The following LRRC61 variants were observed in gnomAD, a reference collection of about 807,000 sequenced individuals.
LRRC61 encodes leucine-rich repeat-containing protein 61.
Under a neutral mutation model 15.1 loss-of-function variants are expected in LRRC61, and 9 were observed. The observed-to-expected ratio is 0.60, with a 90% CI of 0.36 to 1.04. LRRC61 has a LOEUF of 1.04. LRRC61 is among the 50% of genes least tolerant of loss of function. LRRC61 has a pLI of 0.01. For missense variants in LRRC61, 344 were observed against 335.6 expected (o/e 1.03, Z -0.20); for synonymous variants, 173 against 158.6 (o/e 1.09, Z -0.68).
the LRRC61 span, among the ~76,000 whole-genome samples, chr7:150,316,211 A>C: frequency 0.3 from 45,144 of 152,052 alleles, 6,930 homozygotes; most frequent in East Asian, 0.42. Flanking sequence ...AAACAAACAA[A>C]CAACAAAAAT....
the LRRC61 span, among the ~76,000 whole-genome samples, chr7:150,314,788 C>A: frequency 2.5e-4 from 35 of 139,178 alleles, no homozygotes; most frequent in African/African-American, 6.0e-4. Context: ...AAAAAAAAAA[C>A]AACAACAACA....
At chr7:150,309,532 A>T in the LRRC61 span, among the ~76,000 whole-genome samples, 1 of 152,310 alleles carries the variant, frequency 6.6e-6, no homozygotes, top group South Asian at 2.1e-4. Context: ...CTGTAAGACA[A>T]ACCCCAGCCA....
In LRRC61 at chr7:150,337,644, G is replaced by T; in HGVS notation, c.*3G>T. The T allele has an allele frequency of 1.3e-6, 2 of 1,520,868 alleles. No homozygotes were observed. 94.2% of individuals were successfully genotyped at this position (1,520,868 alleles called of 1,614,324 possible). ...CCACCTCTTCCTTCGTCTTCTGAACGTGGCCTATGGCCCAGGACAGCCTGG... is the reference window on the plus strand; with the variant it reads ...CCACCTCTTCCTTCGTCTTCTGAACTTGGCCTATGGCCCAGGACAGCCTGG... On this transcript the variant is annotated 3_prime_UTR_variant, in exon 3 of 3. Coordinates refer to ENST00000359623, the MANE Select transcript of LRRC61 (RefSeq NM_001142928.2).
intron 2 of LRRC61, among the ~76,000 whole-genome samples, chr7:150,326,769 A>G (rs1370983911): frequency 6.6e-6 from 1 of 151,836 alleles, no homozygotes; most frequent in Non-Finnish European, 1.5e-5. Context: ...CTGGGGTTGC[A>G]GTTTCCTCAA....
At chr7:150,311,681 A>G in the LRRC61 span, among the ~76,000 whole-genome samples, 1 of 152,130 alleles carries the variant, frequency 6.6e-6, no homozygotes, top group African/African-American at 2.4e-5. Context: ...TTCCAATCCC[A>G]AACCCAGACC....
intron 2 of LRRC61, among the ~76,000 whole-genome samples, chr7:150,334,853 T>C (rs1309806258): frequency 6.6e-6 from 1 of 152,100 alleles, no homozygotes; most frequent in Non-Finnish European, 1.5e-5. Context: ...ACCCCGTCTC[T>C]ACTAAAAATA....
At chr7:150,315,431 T>C in the LRRC61 span, among the ~76,000 whole-genome samples, 8 of 152,106 alleles carry the variant, frequency 5.3e-5, no homozygotes, top group African/African-American at 1.7e-4. Context: ...CAACCCAATA[T>C]TGAACAGCAC....
upstream of LRRC61, among the ~76,000 whole-genome samples, chr7:150,321,954 G>C (rs1024699535): frequency 6.6e-6 from 1 of 152,186 alleles, no homozygotes; most frequent in African/African-American, 2.4e-5. Context: ...CCAGCCCCTT[G>C]AATATGTCCA....
At chr7:150,322,528 T>C (rs1413889538), upstream of LRRC61, 1 of 152,190 alleles carries the variant, frequency 6.6e-6, no homozygotes, top group Non-Finnish European at 1.5e-5. Flanking sequence ...CATGACACCA[T>C]CATGAAATAC....
rs942187460 is a variant in LRRC61 at position 150,333,765 on chromosome 7, G to C, written c.-144-2953G>C. On this transcript the variant is annotated intron_variant, in intron 2 of 2. Coordinates refer to ENST00000359623, the MANE Select transcript of LRRC61 (RefSeq NM_001142928.2). This position sits in a 1 kb window ranked among gnomAD's most constrained non-coding sequence, Gnocchi z 4.3. ...TGGAGGAGTGCTGAAGCAGGTGGAC[G>C]TGCGGGAAGCCATCCTCCTTGTGTC... Among the ~76,000 whole-genome samples, 2 of 152,170 alleles carry C rather than the reference G, an allele frequency of 1.3e-5. No individual in the cohort carries two copies. Among genetic ancestry groups the C allele is most frequent in the Non-Finnish European group, 2.9e-5 (2 of 68,028 alleles).
At position 150,330,935 on chromosome 7, in the gene LRRC61, C is replaced by G; in HGVS notation, c.-145+4925C>G. 1 of 1,612,774 alleles carries G rather than the reference C, an allele frequency of 6.2e-7. No homozygotes were observed. The highest frequency in any genetic ancestry group is 8.5e-7 in the Non-Finnish European group (1 of 1,179,932). On this transcript the variant is annotated intron_variant, in intron 2 of 2. Coordinates refer to ENST00000359623, the MANE Select transcript of LRRC61 (RefSeq NM_001142928.2). The surrounding 1 kb of genome is among the most constrained non-coding windows in gnomAD (Gnocchi z 4.6). ...TGCTGGAGAGCATGGGGCTGCTGGC[C>G]TCTGAGAGAAGCGGGGGCTCGCTGT... is the stretch of plus-strand genomic sequence containing the variant.
chr7:150,321,985 T>A (rs1797563905), upstream of LRRC61, among the ~76,000 whole-genome samples: 1 of 152,170 alleles, frequency 6.6e-6, no homozygotes, highest in African/African-American at 2.4e-5. Context: ...TGGAAAGAAG[T>A]TCAAGGTAGC....
Position 150,337,758 on chromosome 7 carries a change from T to A in LRRC61, c.*117T>A, listed in dbSNP as rs1798358441. The A allele has an allele frequency of 9.3e-7, 1 of 1,070,252 alleles. No individual in the cohort carries two copies. Among genetic ancestry groups the A allele is most frequent in the Non-Finnish European group, 1.3e-6 (1 of 754,604 alleles). The allele number at this position is 1,070,252 out of a possible 1,614,324, so 66.3% of individuals were successfully genotyped here. ...TGGTCACTGGCCCTGCACACTGGGCTATTGCTTTATCCCTATCCTGAGAGC... is the reference window on the plus strand; with the variant it reads ...TGGTCACTGGCCCTGCACACTGGGCAATTGCTTTATCCCTATCCTGAGAGC... On this transcript the variant is annotated 3_prime_UTR_variant, in exon 3 of 3. Transcript: ENST00000359623.
chr7:150,327,095 A>G (rs545140338), intron 2 of LRRC61, among the ~76,000 whole-genome samples: 1 of 151,462 alleles, frequency 6.6e-6, no homozygotes, highest in East Asian at 1.9e-4. Flanking sequence ...CCCTTTTTAA[A>G]CATTACCCTG....
At position 150,337,362 on chromosome 7, in the gene LRRC61, G is replaced by A. The variant is rs946938385; in HGVS notation, c.501G>A (p.Gly167=). The change falls in exon 3 of 3, where the codon GGG becomes GGA. Residue 167 remains glycine, a synonymous_variant. Transcript: ENST00000359623. Reference sequence around the variant, plus strand: ...TCATCGACGGTGAGCGTGTGATTGGGCGTGGTAGTGAGTTCTACCAGCTGT... The same window carrying A: ...TCATCGACGGTGAGCGTGTGATTGGACGTGGTAGTGAGTTCTACCAGCTGT... The part of the protein sequence containing the change: ...LKVIDGERVI[G]RGSEFYQLCR... 2 of 1,605,106 alleles carry A rather than the reference G, an allele frequency of 1.2e-6. No individual in the cohort carries two copies. The highest frequency in any genetic ancestry group is 2.7e-5 in the African/African-American group (2 of 75,046).
the LRRC61 span, among the ~76,000 whole-genome samples, chr7:150,314,497 G>GCGTA: frequency 1.3e-5 from 2 of 152,124 alleles, no homozygotes; most frequent in Non-Finnish European, 2.9e-5. Context: ...ATGGAGCTTT[G>GCGTA]TGTATGTCAC....
chr7:150,330,846 G>T lies in LRRC61; in HGVS notation c.-145+4836G>T, dbSNP rs1411839751. The T allele has an allele frequency of 3.1e-6, 5 of 1,609,014 alleles. No homozygotes were observed. The highest frequency in any genetic ancestry group is 4.2e-6 in the Non-Finnish European group (5 of 1,176,948). On this transcript the variant is annotated intron_variant, in intron 2 of 2. Transcript: ENST00000359623. The surrounding 1 kb of genome is among the most constrained non-coding windows in gnomAD (Gnocchi z 4.6). ...CTCCGGGGTGGAGGGGAGAAGCCAG[G>T]GGGAGCCTCTGCAGAGCAGCAGCCA...
chr7:150,312,488 A>G, the LRRC61 span, among the ~76,000 whole-genome samples: 27 of 152,212 alleles, frequency 1.8e-4, no homozygotes, highest in Admixed American at 1.4e-3. Flanking sequence ...GTAAAACATT[A>G]TTCCTTTCCT....
chr7:150,312,388 T>C, the LRRC61 span, among the ~76,000 whole-genome samples: 1 of 152,192 alleles, frequency 6.6e-6, no homozygotes, highest in African/African-American at 2.4e-5. Context: ...CACTCACACC[T>C]ATGGGAAAAG....
Sources: allele counts gnomAD v4.1 joint callset (sites outside exome capture counted in the v4.1 genomes callset), GRCh38; gene constraint gnomAD v4.1.1; non-coding constraint Gnocchi (gnomAD v3.1); transcripts MANE v1.5; gene names NCBI Gene and HGNC (gene_info 2026-07-23, HGNC 2026-07-21).